Variants in PRKCB observed in about 807,000 individuals in gnomAD.
PRKCB encodes the protein protein kinase C beta type.
PRKCB carries 13 observed loss-of-function variants against 81.5 expected under a neutral mutation model. That is an observed-to-expected ratio of 0.16 (90% CI 0.10 to 0.25). PRKCB has a LOEUF of 0.25. PRKCB is among the 10% of genes least tolerant of loss of function. The pLI is 1.00. For synonymous variants in PRKCB, 335 were observed against 321.4 expected (o/e 1.04, Z -0.45); for missense variants, 509 against 875.7 (o/e 0.58, Z 5.29).
At chr16:24,077,693 T>C (rs1966197848) in intron 5 of PRKCB, among the ~76,000 whole-genome samples, 1 of 152,226 alleles carries the variant, frequency 6.6e-6, no homozygotes, top group Non-Finnish European at 1.5e-5. Flanking sequence ...GAAGCATTCA[T>C]CTGCTGGGAC....
intron 2 of PRKCB, 73 bp from the exon 3 acceptor site, chr16:23,988,435 C>A: frequency 8.3e-7 from 1 of 1,209,696 alleles, no homozygotes; most frequent in Non-Finnish European, 1.2e-6. Context: ...ATGATCTCTT[C>A]CTCCCTTTCT....
chr16:23,882,006 C>CTT (rs757542870), intron 2 of PRKCB, among the ~76,000 whole-genome samples: 1 of 101,442 alleles, frequency 9.9e-6, no homozygotes, highest in African/African-American at 3.8e-5. Context: ...TTCTTTCTTT[C>CTT]TTTCTTTCTT....
chr16:24,021,087 C>CTTTCTTTCTTT (rs1965374980), intron 3 of PRKCB, among the ~76,000 whole-genome samples: 1 of 119,798 alleles, frequency 8.3e-6, no homozygotes, highest in African/African-American at 3.2e-5. Context: ...TTCTTTCTTT[C>CTTTCTTTCTTT]TTTTTTTCTT....
At chr16:24,177,503 C>G (rs1450463929) in intron 12 of PRKCB, among the ~76,000 whole-genome samples, 1 of 152,132 alleles carries the variant, frequency 6.6e-6, no homozygotes, top group African/African-American at 2.4e-5. Context: ...ATGACAGATA[C>G]TCATTTCACA....
chr16:23,945,894 G>A (rs1269580482), intron 2 of PRKCB, among the ~76,000 whole-genome samples: 3 of 152,086 alleles, frequency 2.0e-5, no homozygotes, highest in East Asian at 1.9e-4. Context: ...AGAGATCCAC[G>A]CCATTGGCTC....
At chr16:24,167,036 G>C (rs1349578918) in intron 10 of PRKCB, among the ~76,000 whole-genome samples, 2 of 151,896 alleles carry the variant, frequency 1.3e-5, no homozygotes, top group Non-Finnish European at 2.9e-5. Flanking sequence ...TTCTCTCTCT[G>C]TGGCCAATGC....
chr16:23,956,437 A>G (rs72779909), intron 2 of PRKCB, among the ~76,000 whole-genome samples: 5,577 of 152,228 alleles, frequency 0.037, 163 homozygotes, highest in Admixed American at 0.076. Context: ...ATTTACATTC[A>G]TATTTATAAT....
At chr16:24,138,211 G>A (rs1040074787) in intron 9 of PRKCB, among the ~76,000 whole-genome samples, 1 of 152,142 alleles carries the variant, frequency 6.6e-6, no homozygotes, top group Non-Finnish European at 1.5e-5. Flanking sequence ...TAGTCCCCTT[G>A]CATCCAGTGC....
chr16:23,878,428 T>G (rs531634133), intron 2 of PRKCB, among the ~76,000 whole-genome samples: 1 of 152,320 alleles, frequency 6.6e-6, no homozygotes, highest in Non-Finnish European at 1.5e-5. Flanking sequence ...TCGGACTCCT[T>G]GCACTTAGGA....
rs1567418101 is a variant in PRKCB, at chr16:24,220,130, T to G, written c.*5314T>G. 2 of 1,613,902 alleles carry G rather than the reference T, an allele frequency of 1.2e-6. No individual in the cohort carries two copies. Among genetic ancestry groups the G allele is most frequent in the Non-Finnish European group, 1.7e-6 (2 of 1,179,854 alleles). On this transcript the variant is annotated 3_prime_UTR_variant, in exon 17 of 17. Transcript: ENST00000643927. ...AATGTGTAGGTGAATGCAAACTCCA[T>G]CGTTGAGCCTGGGGTGTAAGACTTC...
intron 2 of PRKCB, among the ~76,000 whole-genome samples, chr16:23,975,801 C>T (rs191283122): frequency 1.8e-3 from 274 of 152,290 alleles, no homozygotes; most frequent in African/African-American, 6.0e-3. Flanking sequence ...AGGGCCCCCA[C>T]GGCCCACCCT....
intron 3 of PRKCB, among the ~76,000 whole-genome samples, chr16:24,030,875 GTGA>G (rs760613130): frequency 7.9e-4 from 118 of 149,316 alleles, no homozygotes; most frequent in Middle Eastern, 3.4e-3. Flanking sequence ...TCCAGCCTGG[GTGA>G]TAAGAGCAAA....
intron 5 of PRKCB, among the ~76,000 whole-genome samples, chr16:24,083,227 A>G (rs1001156051): frequency 2.6e-5 from 4 of 152,358 alleles, no homozygotes; most frequent in South Asian, 4.1e-4. Flanking sequence ...GAACAAGAGG[A>G]ACTCTCATTC....
At chr16:23,964,043 A>G (rs1392585389) in intron 2 of PRKCB, among the ~76,000 whole-genome samples, 4 of 152,206 alleles carry the variant, frequency 2.6e-5, no homozygotes, top group African/African-American at 9.6e-5. Context: ...TAAATGAGGT[A>G]TGAAGCATCT....
At chr16:23,909,650 C>G (rs1368621988) in intron 2 of PRKCB, among the ~76,000 whole-genome samples, 3 of 152,188 alleles carry the variant, frequency 2.0e-5, no homozygotes, top group Non-Finnish European at 4.4e-5. Flanking sequence ...ATTCCACACT[C>G]TATGTCCGTG....
intron 7 of PRKCB, among the ~76,000 whole-genome samples, chr16:24,110,407 T>A (rs969877233): frequency 2.0e-5 from 3 of 151,032 alleles, no homozygotes; most frequent in Non-Finnish European, 1.5e-5. Context: ...ACAGATGGGG[T>A]TTCACCATGT....
chr16:24,053,532 A>G (rs1965866857), intron 5 of PRKCB, among the ~76,000 whole-genome samples: 1 of 152,230 alleles, frequency 6.6e-6, no homozygotes, highest in Non-Finnish European at 1.5e-5. Flanking sequence ...GTAGGTAAAT[A>G]AGTAAAATAC....
chr16:24,059,790 C>T (rs1965948680), intron 5 of PRKCB, among the ~76,000 whole-genome samples: 1 of 152,144 alleles, frequency 6.6e-6, no homozygotes, highest in Non-Finnish European at 1.5e-5. Flanking sequence ...ATGGCCAACA[C>T]CTTAGATGCT....
intron 2 of PRKCB, chr16:23,962,896 C>A (rs916454385): frequency 2.0e-5 from 3 of 152,070 alleles, no homozygotes; most frequent in African/African-American, 7.2e-5. Context: ...ATTCTTCACC[C>A]CCTCCCACCA....
Sources: gnomAD v4.1 joint callset for allele counts (sites outside exome capture counted in the v4.1 genomes callset) on GRCh38, gnomAD v4.1.1 for gene constraint, MANE v1.5 for transcripts, NCBI Gene and HGNC (gene_info 2026-07-23, HGNC 2026-07-21) for gene names.